Variants in UTS2B observed in about 807,000 individuals in gnomAD.
UTS2B encodes urotensin 2B.
In UTS2B, 21 loss-of-function variants were observed where a neutral mutation model predicts 19.2. The ratio of observed to expected loss-of-function variants is 1.09; its 90% CI spans 0.78 to 1.58. UTS2B has a LOEUF of 1.58. Among genes scored for constraint, UTS2B ranks in the 40% most tolerant of loss-of-function variants. UTS2B has a pLI of 0.00. For missense variants in UTS2B, 138 were observed against 130.3 expected, an observed-to-expected ratio of 1.06 and a Z score of -0.29; for synonymous variants, 57 against 50.2, an observed-to-expected ratio of 1.14 and a Z score of -0.58.
intron 3 of UTS2B, among the ~76,000 whole-genome samples, chr3:191,315,056 G>C (rs2108607151): frequency 6.7e-6 from 1 of 150,154 alleles, no homozygotes; most frequent in African/African-American, 2.5e-5. Flanking sequence ...GTTTCGTCCA[G>C]GCTGGAGTGC....
At chr3:191,293,178 G>A (rs1227165174) in intron 4 of UTS2B, among the ~76,000 whole-genome samples, 1 of 149,008 alleles carries the variant, frequency 6.7e-6, no homozygotes, top group Non-Finnish European at 1.5e-5. Context: ...AGCAACTTTT[G>A]CATCTATATT....
intron 2 of UTS2B, among the ~76,000 whole-genome samples, chr3:191,323,940 G>A (rs1204005886): frequency 6.6e-6 from 1 of 152,206 alleles, no homozygotes; most frequent in Non-Finnish European, 1.5e-5. Flanking sequence ...AATACCCTGA[G>A]AGGAGTTGGC....
the UTS2B span, among the ~76,000 whole-genome samples, chr3:191,338,892 C>T: frequency 6.6e-6 from 1 of 152,082 alleles, no homozygotes; most frequent in Non-Finnish European, 1.5e-5. Flanking sequence ...TTTTTGTACA[C>T]GTTCCAGTAA....
intron 3 of UTS2B, among the ~76,000 whole-genome samples, chr3:191,305,474 A>C (rs886086599): frequency 2.0e-5 from 3 of 152,116 alleles, no homozygotes; most frequent in Non-Finnish European, 4.4e-5. Flanking sequence ...TTCTTTGAGA[A>C]GTGTCTATTC....
At chr3:191,273,427 C>T (rs1338447139) in intron 8 of UTS2B, 3 of 454,730 alleles carry the variant, frequency 6.6e-6, no homozygotes, top group East Asian at 6.9e-5. Context: ...TGACTAATCC[C>T]GGCCAATGGA....
At chr3:191,317,084 T>G (rs1463194396) in intron 2 of UTS2B, among the ~76,000 whole-genome samples, 1 of 152,170 alleles carries the variant, frequency 6.6e-6, no homozygotes, top group Non-Finnish European at 1.5e-5. Context: ...TCAGGGAGGC[T>G]CGGGCCGTGC....
chr3:191,308,090 T>C (rs1054571025), intron 3 of UTS2B, among the ~76,000 whole-genome samples: 1 of 152,186 alleles, frequency 6.6e-6, no homozygotes, highest in Admixed American at 6.5e-5. Flanking sequence ...CACCTTGGCC[T>C]CCCAAAGTGC....
chr3:191,293,881 G>A (rs551768150), intron 4 of UTS2B, among the ~76,000 whole-genome samples: 2 of 151,730 alleles, frequency 1.3e-5, no homozygotes, highest in African/African-American at 2.4e-5. Context: ...GGGGAGTCGG[G>A]GCGGATCTCC....
At chr3:191,278,350 ACAGT>A (rs994096797) in intron 5 of UTS2B, among the ~76,000 whole-genome samples, 180 bp from the exon 6 acceptor site, 12 of 152,108 alleles carry the variant, frequency 7.9e-5, no homozygotes, top group Non-Finnish European at 1.8e-4. Context: ...ATGAATATGG[ACAGT>A]CAGACAGACA....
intron 2 of UTS2B, among the ~76,000 whole-genome samples, chr3:191,319,187 T>G (rs1218398926): frequency 1.3e-5 from 2 of 152,210 alleles, no homozygotes; most frequent in African/African-American, 4.8e-5. Context: ...TCCCTAGATA[T>G]GCAAACTGCT....
intron 4 of UTS2B, among the ~76,000 whole-genome samples, chr3:191,284,658 C>T (rs141212373): frequency 1.5e-3 from 225 of 151,118 alleles, no homozygotes; most frequent in Non-Finnish European, 2.8e-3. Flanking sequence ...CAGTGACTCA[C>T]GCTTGTAATC....
At chr3:191,289,851 G>A (rs998872774) in intron 4 of UTS2B, among the ~76,000 whole-genome samples, 8 of 152,150 alleles carry the variant, frequency 5.3e-5, no homozygotes, top group Non-Finnish European at 1.0e-4. Context: ...TTAGATAGCA[G>A]AAGTTAAGTT....
At chr3:191,313,767 G>A (rs1048315996) in intron 3 of UTS2B, among the ~76,000 whole-genome samples, 17 of 121,288 alleles carry the variant, frequency 1.4e-4, no homozygotes, top group Admixed American at 4.6e-4. Context: ...GTCTCACTCT[G>A]TCGCCCAGGC....
At chr3:191,334,017 TA>T (rs1416764470), upstream of UTS2B, among the ~76,000 whole-genome samples, 2 of 152,322 alleles carry the variant, frequency 1.3e-5, no homozygotes, top group African/African-American at 2.4e-5. Flanking sequence ...TAAAATTTTC[TA>T]AATGCTATTT....
intron 2 of UTS2B, among the ~76,000 whole-genome samples, chr3:191,324,957 T>C (rs1405923509): frequency 6.6e-6 from 1 of 151,934 alleles, no homozygotes; most frequent in African/African-American, 2.4e-5. Flanking sequence ...GGCTGAGGCA[T>C]GAGAATCGCT....
chr3:191,345,739 G>GA, the UTS2B span, among the ~76,000 whole-genome samples: 8 of 150,502 alleles, frequency 5.3e-5, no homozygotes, highest in East Asian at 3.9e-4. Context: ...TAGGGGATTA[G>GA]AAAAAAAAAT....
At chr3:191,318,567 T>C (rs750916706) in intron 2 of UTS2B, among the ~76,000 whole-genome samples, 1 of 152,190 alleles carries the variant, frequency 6.6e-6, no homozygotes, top group Non-Finnish European at 1.5e-5. Flanking sequence ...CTCTCCAGGC[T>C]CAAGTGATGC....
At chr3:191,329,851 C>A in intron 1 of UTS2B, 1 of 912,098 alleles carries the variant, frequency 1.1e-6, no homozygotes, top group Non-Finnish European at 1.6e-6. Flanking sequence ...TTGGCCTTGC[C>A]CGGACGTGAA....
chr3:191,287,806 AAAAG>A (rs565605618), intron 4 of UTS2B, among the ~76,000 whole-genome samples: 212 of 152,206 alleles, frequency 1.4e-3, no homozygotes, highest in Admixed American at 4.6e-3. Flanking sequence ...CAATTAGAAA[AAAAG>A]AAAGAAAGGA....
Sources: gnomAD v4.1 joint callset for allele counts (sites outside exome capture counted in the v4.1 genomes callset) on GRCh38, gnomAD v4.1.1 for gene constraint, MANE v1.5 for transcripts, NCBI Gene and HGNC (gene_info 2026-07-23, HGNC 2026-07-21) for gene names.